The following RSRC2 variants were observed in gnomAD, a reference collection of about 807,000 sequenced individuals.
RSRC2 encodes the protein arginine/serine-rich coiled-coil protein 2.
Under a neutral mutation model 61.3 loss-of-function variants are expected in RSRC2, and 5 were observed. The observed-to-expected ratio is 0.08, with a 90% CI of 0.04 to 0.17. The LOEUF is 0.17. RSRC2 is among the 10% of genes least tolerant of loss of function. The pLI is 1.00. For missense variants in RSRC2, 381 were observed against 518.8 expected, an observed-to-expected ratio of 0.73 and a Z score of 2.58; for synonymous variants, 202 against 166.5, an observed-to-expected ratio of 1.21 and a Z score of -1.64.
Position 122,522,221 on chromosome 12 carries a change from C to A in RSRC2, c.85G>T (p.Val29Leu), listed in dbSNP as rs1593420528. Reference sequence around the variant, plus strand: ...TTTGAAGCTCTAGGAGAAACAGATACTTCTGACTGCTCTTTTTTCTTATCT... The same window carrying A: ...TTTGAAGCTCTAGGAGAAACAGATAATTCTGACTGCTCTTTTTTCTTATCT... ...DRDKKKEQSE[V>L]SVSPRASKHH... Residue 29 changes from valine (V) to leucine (L), a missense_variant, in exon 2 of 10, where the codon GTA becomes TTA. Physicochemically the swap from Val to Leu is conservative, Grantham distance 32 (BLOSUM62 1). This residue lies in a region of RSRC2 where 266 missense variants were observed against 270.5 expected (regional missense o/e 0.98). Transcript: ENST00000331738. 3 of 1,614,080 alleles carry A rather than the reference C, an allele frequency of 1.9e-6. No individual in the cohort carries two copies.
intron 9 of RSRC2, 65 bp from the exon 10 acceptor site, chr12:122,505,771 C>A (rs1416593704): frequency 6.5e-6 from 9 of 1,381,794 alleles, no homozygotes; most frequent in Non-Finnish European, 7.9e-6. Flanking sequence ...TCACTTGACA[C>A]TATTTTTTAT....
chr12:122,510,029 C>T (rs1415281467), intron 7 of RSRC2, among the ~76,000 whole-genome samples: 17 of 152,206 alleles, frequency 1.1e-4, no homozygotes, highest in Admixed American at 1.1e-3. Context: ...GCCATGTTGG[C>T]CAGGCTGGTC....
chr12:122,522,306 G>A lies in RSRC2; in HGVS notation c.7-7C>T, dbSNP rs756663855. The A allele has an allele frequency of 1.9e-6, 3 of 1,573,492 alleles. No individual in the cohort carries two copies. Among genetic ancestry groups the A allele is most frequent in the Admixed American group, 4.1e-5 (2 of 48,570 alleles). ...CTCGCTCTGTATCACTAGCCTAAAAGTTTAAAAACAAATGATTAAAGTTCT... is the reference window on the plus strand; with the variant it reads ...CTCGCTCTGTATCACTAGCCTAAAAATTTAAAAACAAATGATTAAAGTTCT... On this transcript the variant is annotated splice_region_variant and splice_polypyrimidine_tract_variant and intron_variant, in intron 1 of 9. Transcript: ENST00000331738.
At position 122,505,313 on chromosome 12, in the gene RSRC2, T is replaced by C. The variant is rs748605669; in HGVS notation, c.*214A>G. 1.7e-4 allele frequency: 73 copies of C among 434,308 alleles called. No homozygotes were observed. Among genetic ancestry groups the C allele is most frequent in the Middle Eastern group, 5.0e-4 (1 of 2,018 alleles). The allele number at this position is 434,308 out of a possible 1,614,324, so 26.9% of individuals were successfully genotyped here. A position where few individuals can be genotyped will look rare whatever the true frequency, so the allele number is the denominator to read the frequency against. ...CATGAACTAAAAAATATTATCCTTC[T>C]ATAGTCCTGTCAAGTTTAATGGAAG... On this transcript the variant is annotated 3_prime_UTR_variant, in exon 10 of 10. Transcript: ENST00000331738.
chr12:122,521,492 A>T, intron 2 of RSRC2, 64 bp from the exon 3 acceptor site: 3 of 1,422,048 alleles, frequency 2.1e-6, no homozygotes, highest in East Asian at 2.3e-5. Flanking sequence ...ATCTTAAAAA[A>T]CTCTTAATGC....
intron 8 of RSRC2, 182 bp from the exon 9 acceptor site, chr12:122,507,105 C>T (rs1958160786): frequency 1.6e-6 from 1 of 616,856 alleles, no homozygotes; most frequent in African/African-American, 1.9e-5. Flanking sequence ...GAGGTTGGCG[C>T]CGTGCTTCAC....
chr12:122,506,549 G>A (rs78469394), intron 9 of RSRC2: 3,442 of 278,358 alleles, frequency 0.012, 83 homozygotes, highest in African/African-American at 0.053. Flanking sequence ...GTTTAAGGCT[G>A]CAGTGAGGTA....
At chr12:122,507,867 GC>G in intron 8 of RSRC2, 7 of 315,782 alleles carry the variant, frequency 2.2e-5, no homozygotes, top group South Asian at 1.1e-4. Flanking sequence ...CATGATCTTG[GC>G]TCACTGTATG....
chr12:122,505,411 T>C lies in RSRC2; in HGVS notation c.*116A>G, dbSNP rs1958054071. On this transcript the variant is annotated 3_prime_UTR_variant, in exon 10 of 10. Transcript: ENST00000331738. ...ATTTACAAAAATTTGTATTTTTCAA[T>C]AAATTAAAGTCAATGCAACACCCAT... 2 of 928,340 alleles carry C rather than the reference T, an allele frequency of 2.2e-6. No homozygotes were observed. 57.5% of individuals were successfully genotyped at this position (928,340 alleles called of 1,614,324 possible).
chr12:122,513,918 A>G (rs1958711844), intron 6 of RSRC2: 2 of 451,982 alleles, frequency 4.4e-6, no homozygotes, highest in African/African-American at 2.1e-5. Context: ...TGTGGTCCCA[A>G]CTACTTGAGA....
Position 122,505,510 on chromosome 12 carries a change from T to C in RSRC2, c.*17A>G. On this transcript the variant is annotated 3_prime_UTR_variant, in exon 10 of 10. Coordinates refer to ENST00000331738, the MANE Select transcript of RSRC2 (RefSeq NM_023012.6). ...CAAGAAGTCTATAAGTCCCAAACTT[T>C]ACAAGTGTGATCATTTTCAAACTGC... 6.2e-7 allele frequency: 1 copy of C among 1,610,990 alleles called. No individual in the cohort carries two copies. The highest frequency in any genetic ancestry group is 8.5e-7 in the Non-Finnish European group (1 of 1,177,802).
At chr12:122,507,878 G>A in intron 8 of RSRC2, 1 of 365,610 alleles carries the variant, frequency 2.7e-6, no homozygotes, top group Non-Finnish European at 5.3e-6. Context: ...CTCACTGTAT[G>A]TAGGCTCTGC....
At chr12:122,515,857 T>C (rs1261167172) in intron 5 of RSRC2, among the ~76,000 whole-genome samples, 4 of 151,976 alleles carry the variant, frequency 2.6e-5, no homozygotes, top group Non-Finnish European at 5.9e-5. Context: ...TGCGTGATGC[T>C]GGGTGCCTGT....
chr12:122,519,157 A>G, intron 3 of RSRC2, 128 bp from the exon 4 acceptor site: 1 of 707,270 alleles, frequency 1.4e-6, no homozygotes, highest in Non-Finnish European at 2.3e-6. Context: ...AATAAAAAAA[A>G]GATCTAGTTT....
intron 1 of RSRC2, among the ~76,000 whole-genome samples, chr12:122,525,219 T>C (rs1352939801): frequency 6.6e-6 from 1 of 151,578 alleles, no homozygotes; most frequent in East Asian, 1.9e-4. Flanking sequence ...ACCAAAAATA[T>C]AAAAAAATTA....
At chr12:122,517,020 G>A (rs138949254) in intron 5 of RSRC2, among the ~76,000 whole-genome samples, 6 of 152,094 alleles carry the variant, frequency 3.9e-5, no homozygotes, top group Non-Finnish European at 5.9e-5. Context: ...CCTGCACTTC[G>A]CAAGAGATTT....
At chr12:122,514,387 C>G (rs1230700886) in intron 6 of RSRC2, among the ~76,000 whole-genome samples, 4 of 151,386 alleles carry the variant, frequency 2.6e-5, no homozygotes, top group African/African-American at 9.7e-5. Context: ...GCCTCAGCCT[C>G]CAGAGTAGCT....
Position 122,511,271 on chromosome 12 carries a change from G to C in RSRC2, c.726-83C>G, listed in dbSNP as rs1035780796. 7 of 987,448 alleles carry C rather than the reference G, an allele frequency of 7.1e-6. No individual in the cohort carries two copies. In the African/African-American group the frequency reaches 1.0e-4, roughly 14 times the overall value. 61.2% of individuals were successfully genotyped at this position (987,448 alleles called of 1,614,324 possible). On this transcript the variant is annotated intron_variant, in intron 6 of 9. Coordinates refer to ENST00000331738, the MANE Select transcript of RSRC2 (RefSeq NM_023012.6). The stretch of plus-strand genomic sequence containing the variant: ...ATCTCTCTATATGTGCATGTACAGA[G>C]ACAAGCCAACTTCCATAAAATTTTA...
chr12:122,510,445 C>A (rs568193486), intron 7 of RSRC2, among the ~76,000 whole-genome samples: 23 of 152,252 alleles, frequency 1.5e-4, no homozygotes, highest in African/African-American at 5.1e-4. Context: ...CGGAGAATCG[C>A]TTAAATCCAA....
Sources: gnomAD v4.1 joint callset for allele counts (sites outside exome capture counted in the v4.1 genomes callset) on GRCh38, gnomAD v4.1.1 for gene constraint, gnomAD v4.1.1 regional missense constraint, MANE v1.5 for transcripts, NCBI Gene and HGNC (gene_info 2026-07-23, HGNC 2026-07-21) for gene names.